The following CLEC18B variants were observed in gnomAD, a reference collection of about 807,000 sequenced individuals.
The protein encoded by CLEC18B is C-type lectin domain family 18 member B.
CLEC18B carries 5 observed loss-of-function variants against 60.4 expected under a neutral mutation model. The ratio of observed to expected loss-of-function variants is 0.08; its 90% CI spans 0.04 to 0.17. The LOEUF is 0.17. Ranked by LOEUF, CLEC18B falls within the 10% of genes least tolerant of loss-of-function variation. The probability of loss-of-function intolerance (pLI) is 1.00; values close to 1 mark genes in which losing one functional copy is unlikely to be tolerated. For missense variants in CLEC18B, 26 were observed against 572.8 expected (o/e 0.05, Z 9.74); for synonymous variants, 16 against 221.2 (o/e 0.07, Z 8.23).
intron 2 of CLEC18B, among the ~76,000 whole-genome samples, chr16:74,420,003 A>G (rs1246952276): frequency 6.6e-6 from 1 of 152,282 alleles, no homozygotes; most frequent in Non-Finnish European, 1.5e-5. Context: ...GAAAATGTGG[A>G]AAATGTGGAC....
At chr16:74,416,262 C>CAAA (rs1196546106) in intron 3 of CLEC18B, among the ~76,000 whole-genome samples, 2 of 109,652 alleles carry the variant, frequency 1.8e-5, no homozygotes, top group African/African-American at 6.8e-5. Flanking sequence ...GACTCCGTCT[C>CAAA]AAAAAAAAAA....
intron 3 of CLEC18B, among the ~76,000 whole-genome samples, chr16:74,414,419 T>A (rs12448258): frequency 0.2 from 28,289 of 141,312 alleles, 181 homozygotes; most frequent in Non-Finnish European, 0.24. Flanking sequence ...GCTCTGTAAC[T>A]GGTTTGGCCA....
intron 3 of CLEC18B, among the ~76,000 whole-genome samples, chr16:74,414,080 G>A (rs2013316070): frequency 6.6e-6 from 1 of 152,310 alleles, no homozygotes; most frequent in Non-Finnish European, 1.5e-5. Flanking sequence ...TCTCCATGTT[G>A]GTCAGGCTGG....
At chr16:74,418,529 G>T (rs1444833985) in intron 2 of CLEC18B, among the ~76,000 whole-genome samples, 1 of 146,800 alleles carries the variant, frequency 6.8e-6, no homozygotes, top group African/African-American at 2.5e-5. Flanking sequence ...CCTGTCGTGG[G>T]CATCCTTCGG....
intron 10 of CLEC18B, among the ~76,000 whole-genome samples, chr16:74,410,039 C>A (rs369443743): frequency 0.078 from 7,848 of 100,362 alleles, no homozygotes; most frequent in African/African-American, 0.15. Flanking sequence ...GGCCTCGCAG[C>A]CGGACCACCT....
chr16:74,413,360 G>A (rs1234895773), intron 4 of CLEC18B, among the ~76,000 whole-genome samples: 1 of 152,288 alleles, frequency 6.6e-6, no homozygotes, highest in Non-Finnish European at 1.5e-5. Context: ...CCTGATACCA[G>A]GACCAGTATC....
Sources: gnomAD v4.1 joint callset for allele counts (sites outside exome capture counted in the v4.1 genomes callset) on GRCh38, gnomAD v4.1.1 for gene constraint, MANE v1.5 for transcripts, NCBI Gene and HGNC (gene_info 2026-07-23, HGNC 2026-07-21) for gene names.